The following STK32B variants were observed in gnomAD, a reference collection of about 807,000 sequenced individuals.
STK32B encodes the protein serine/threonine kinase 32B.
In STK32B, 43 loss-of-function variants were observed where a neutral mutation model predicts 52.6. That is an observed-to-expected ratio of 0.82 (90% CI 0.64 to 1.05). The LOEUF is 1.05. STK32B is among the 50% of genes least tolerant of loss of function. STK32B has a pLI of 0.00. For synonymous variants in STK32B, 238 were observed against 204.3 expected (o/e 1.17, Z -1.41); for missense variants, 621 against 534.6 (o/e 1.16, Z -1.59).
Position 5,428,091 on chromosome 4 carries a change from G to T in STK32B, c.562+11157G>T, listed in dbSNP as rs192778592. Among the ~76,000 whole-genome samples the T allele has an allele frequency of 2.3e-3, 355 of 151,872 alleles. 1 individual carries two copies. The highest frequency in any genetic ancestry group is 0.01 in the Middle Eastern group (3 of 294). Reference sequence around the variant, plus strand: ...TGTATCCCACAAATTTAGATATATTGTGCTTTTAATTTCATTCAGTTAAAA... The same window carrying T: ...TGTATCCCACAAATTTAGATATATTTTGCTTTTAATTTCATTCAGTTAAAA... On this transcript the variant is annotated intron_variant, in intron 6 of 11. Coordinates refer to ENST00000282908, the MANE Select transcript of STK32B (RefSeq NM_018401.3).
At position 5,398,946 on chromosome 4, in the gene STK32B, G is replaced by A. The variant is rs534062544; in HGVS notation, c.472+702G>A. ...CTCTGGCCTTACCAGAATTACCTGG[G>A]GGACCTGGTAAAAATCAGAGGTCAG... On this transcript the variant is annotated intron_variant, in intron 5 of 11. Transcript: ENST00000282908. This position sits in a 1 kb window ranked among gnomAD's most constrained non-coding sequence, Gnocchi z 4.9. 6.6e-6 allele frequency among the ~76,000 whole-genome samples: 1 copy of A among 152,178 alleles called. No individual in the cohort carries two copies. Among genetic ancestry groups the A allele is most frequent in the Non-Finnish European group, 1.5e-5 (1 of 68,032 alleles).
chr4:5,448,924 C>T (rs549573074), intron 7 of STK32B, among the ~76,000 whole-genome samples: 18 of 149,372 alleles, frequency 1.2e-4, no homozygotes, highest in Admixed American at 4.0e-4. Context: ...GAAAAACACT[C>T]ATATTTATCC....
chr4:5,416,920 C>G lies in STK32B; in HGVS notation c.548C>G (p.Thr183Ser), dbSNP rs1323978494. The stretch of plus-strand genomic sequence containing the variant: ...GAAAGGGCTTCCTCCATGGCTGGCA[C>G]CAAGCCCTACATGGGTGAGTGTTCC... ...GAERASSMAGTKPYMAPEVFQ... is the reference protein window; with the variant it reads ...GAERASSMAGSKPYMAPEVFQ... The change falls in exon 6 of 12, where the codon ACC becomes AGC. Residue 183 changes from threonine to serine, a missense_variant. Thr to Ser is a moderately conservative substitution (Grantham distance 58). Transcript: ENST00000282908. 6.2e-7 allele frequency: 1 copy of G among 1,613,120 alleles called. No homozygotes were observed. Among genetic ancestry groups the G allele is most frequent in the Non-Finnish European group, 8.5e-7 (1 of 1,179,566 alleles).
At chr4:5,279,845 G>T (rs922371952) in intron 3 of STK32B, among the ~76,000 whole-genome samples, 1 of 152,144 alleles carries the variant, frequency 6.6e-6, no homozygotes, top group African/African-American at 2.4e-5. Context: ...CTGTACCTTT[G>T]CCCCTTTTAG....
intron 1 of STK32B, among the ~76,000 whole-genome samples, chr4:5,135,159 G>A (rs764450010): frequency 2.0e-5 from 3 of 152,222 alleles, no homozygotes; most frequent in African/African-American, 2.4e-5. Context: ...GGTGAAATAT[G>A]AGGAAAAGCC....
chr4:5,163,902 C>T (rs1314626571), intron 2 of STK32B, among the ~76,000 whole-genome samples: 1 of 152,158 alleles, frequency 6.6e-6, no homozygotes, highest in Non-Finnish European at 1.5e-5. Context: ...ATCAGTCTAC[C>T]CCTCACTCCA....
intron 11 of STK32B, among the ~76,000 whole-genome samples, chr4:5,480,996 G>C (rs1718653079): frequency 6.6e-6 from 1 of 152,086 alleles, no homozygotes; most frequent in Non-Finnish European, 1.5e-5. Flanking sequence ...TGGACATTTG[G>C]CTTGGTTCCA....
At chr4:5,490,297 G>C (rs1201386376) in intron 11 of STK32B, among the ~76,000 whole-genome samples, 1 of 151,888 alleles carries the variant, frequency 6.6e-6, no homozygotes, top group Non-Finnish European at 1.5e-5. Context: ...AGTAGAGATG[G>C]GGTTTCACCT....
upstream of STK32B, among the ~76,000 whole-genome samples, chr4:5,049,262 T>C (rs1741673291): frequency 6.6e-6 from 1 of 151,632 alleles, no homozygotes; most frequent in African/African-American, 2.4e-5. Context: ...AGTGGCACAA[T>C]CTCAGCTCAC....
At chr4:5,477,265 G>C (rs1718308985) in intron 11 of STK32B, among the ~76,000 whole-genome samples, 1 of 152,046 alleles carries the variant, frequency 6.6e-6, no homozygotes, top group African/African-American at 2.4e-5. Context: ...TCTCTTATGG[G>C]TCCTTAAAGT....
intron 11 of STK32B, among the ~76,000 whole-genome samples, chr4:5,494,510 G>C (rs1027020159): frequency 1.5e-4 from 23 of 152,102 alleles, no homozygotes; most frequent in African/African-American, 5.6e-4. Context: ...GCACATGGAT[G>C]GCTCTTGACT....
rs146675486 is a variant in STK32B at position 5,299,776 on chromosome 4, A to G, written c.261-31444A>G. Among the ~76,000 whole-genome samples the G allele has an allele frequency of 1.7e-3, 266 of 152,186 alleles. 2 individuals are homozygous for G. The highest frequency in any genetic ancestry group is 6.1e-3 in the African/African-American group (255 of 41,530). ...TTTTTTTGGCTCCATATACCATGTT[A>G]TGAAATTGGATCAGTAATTTTAAAA... On this transcript the variant is annotated intron_variant, in intron 3 of 11. Transcript: ENST00000282908.
chr4:5,324,250 A>G (rs988604403), intron 3 of STK32B, among the ~76,000 whole-genome samples: 5 of 152,148 alleles, frequency 3.3e-5, no homozygotes, highest in African/African-American at 4.8e-5. Flanking sequence ...GCTACTGGGG[A>G]GGGTGAGGCA....
Position 5,125,998 on chromosome 4 carries a change from T to G in STK32B, c.53-13907T>G, listed in dbSNP as rs370193122. On this transcript the variant is annotated intron_variant, in intron 1 of 11. Coordinates refer to ENST00000282908, the MANE Select transcript of STK32B (RefSeq NM_018401.3). ...TGATTGTCCAGTTGCCCTGGCACCA[T>G]TTGTTGAGAAGCCATCCTCCCTCCA... 1.2e-4 allele frequency among the ~76,000 whole-genome samples: 18 copies of G among 152,250 alleles called. No individual in the cohort carries two copies. In the South Asian group the frequency reaches 3.7e-3, roughly 32 times the overall value.
the STK32B span, among the ~76,000 whole-genome samples, chr4:5,024,612 C>T: frequency 1.1e-4 from 16 of 152,172 alleles, no homozygotes; most frequent in South Asian, 4.1e-4. Context: ...GTGCTGGAAG[C>T]GGACCCTGCC....
chr4:5,229,365 C>T (rs1196315911), intron 3 of STK32B, among the ~76,000 whole-genome samples: 2 of 152,116 alleles, frequency 1.3e-5, no homozygotes, highest in Non-Finnish European at 2.9e-5. Flanking sequence ...GTAATGTATC[C>T]ATGTAACAAA....
chr4:5,028,667 G>A, the STK32B span, among the ~76,000 whole-genome samples: 1 of 152,226 alleles, frequency 6.6e-6, no homozygotes, highest in African/African-American at 2.4e-5. Context: ...CTGCGGTGGA[G>A]AAGACCCAGA....
At chr4:5,110,501 A>G (rs188289088) in intron 1 of STK32B, among the ~76,000 whole-genome samples, 66 of 151,858 alleles carry the variant, frequency 4.3e-4, no homozygotes, top group Non-Finnish European at 3.7e-4. Context: ...AAAATAAAAA[A>G]TGGGAAAAAG....
rs117429149 is a variant in STK32B at position 5,231,251 on chromosome 4, C to T, written c.260+62801C>T. 1.1e-3 allele frequency among the ~76,000 whole-genome samples: 171 copies of T among 152,302 alleles called. 1 individual carries two copies. In the East Asian group the frequency reaches 0.031, roughly 28 times the overall value. On this transcript the variant is annotated intron_variant, in intron 3 of 11. Transcript: ENST00000282908. ...ATGTCTTCTTCTATGCTCTGGCTGC[C>T]TTGCCTCCATGCTGTAGACACTCAA...
Sources: allele counts gnomAD v4.1 joint callset (sites outside exome capture counted in the v4.1 genomes callset), GRCh38; gene constraint gnomAD v4.1.1; non-coding constraint Gnocchi (gnomAD v3.1); transcripts MANE v1.5; gene names NCBI Gene and HGNC (gene_info 2026-07-23, HGNC 2026-07-21).